The following MAST1 variants were observed in gnomAD, a reference collection of about 807,000 sequenced individuals.
The protein encoded by MAST1 is microtubule associated serine/threonine kinase 1.
A neutral mutation model predicts 124.6 loss-of-function variants in MAST1; 40 were observed. The observed-to-expected ratio is 0.32, with a 90% CI of 0.25 to 0.42. MAST1 has a LOEUF of 0.42. MAST1 is among the 10% of genes least tolerant of loss of function. The pLI, the probability that MAST1 is intolerant of heterozygous loss-of-function variation, is 1.00. For missense variants in MAST1, 1,558 were observed against 2,181.9 expected (o/e 0.71, Z 5.70); for synonymous variants, 938 against 939.4 (o/e 1.00, Z 0.03).
chr19:12,838,683 C>T lies in MAST1; in HGVS notation c.83+28C>T, dbSNP rs1220996765. 6.3e-7 allele frequency: 1 copy of T among 1,596,218 alleles called. No homozygotes were observed. The highest frequency in any genetic ancestry group is 2.3e-5 in the East Asian group (1 of 44,084). On this transcript the variant is annotated intron_variant, in intron 1 of 25. Transcript: ENST00000251472. The surrounding 1 kb of genome is among the most constrained non-coding windows in gnomAD (Gnocchi z 4.3). ...AGACCCCCGATCCCCTAGACATTGTCCCGGCCCTCCCCGCAAAAGCCGCCG... is the reference window on the plus strand; with the variant it reads ...AGACCCCCGATCCCCTAGACATTGTTCCGGCCCTCCCCGCAAAAGCCGCCG...
Position 12,847,967 on chromosome 19 carries a change from C to T in MAST1, c.684C>T (p.Ala228=), listed in dbSNP as rs1568408338. 6.2e-7 allele frequency: 1 copy of T among 1,614,124 alleles called. No individual in the cohort carries two copies. Among genetic ancestry groups the T allele is most frequent in the Non-Finnish European group, 8.5e-7 (1 of 1,179,980 alleles). ...SFIHHQIIEL[A]RDCLTKSRDG... is the part of the protein sequence containing the mutation. ...TCCACCACCAGATCATCGAGCTGGC[C>T]CGGGACTGCCTGACCAAGTCCCGTG... Residue 228 remains alanine, a synonymous_variant, in exon 7 of 26, where the codon GCC becomes GCT. Coordinates refer to ENST00000251472, the MANE Select transcript of MAST1 (RefSeq NM_014975.3). This position sits in a 1 kb window ranked among gnomAD's most constrained non-coding sequence, Gnocchi z 5.5.
rs1402558385 is a variant in MAST1 at position 12,843,371 on chromosome 19, C to T, written c.249-158C>T. On this transcript the variant is annotated intron_variant, in intron 3 of 25. Transcript: ENST00000251472. This position sits in a 1 kb window ranked among gnomAD's most constrained non-coding sequence, Gnocchi z 4.9. ...CCGGTGCCTGCCTGGAAGAGTCCCT[C>T]TTTATCCCCTTGATTCTGAGGGCCT... Among the ~76,000 whole-genome samples, 1 of 152,050 alleles carries T rather than the reference C, an allele frequency of 6.6e-6. No homozygotes were observed. The highest frequency in any genetic ancestry group is 1.9e-4 in the East Asian group (1 of 5,190).
intron 2 of MAST1, 120 bp from the exon 3 acceptor site, chr19:12,840,871 G>T: frequency 1.3e-6 from 1 of 767,320 alleles, no homozygotes; most frequent in South Asian, 1.4e-5. Flanking sequence ...GGCCACAGGC[G>T]AAGGGGCGTG....
intron 19 of MAST1, 33 bp downstream of exon 19, chr19:12,867,685 G>T: frequency 1.9e-6 from 3 of 1,540,754 alleles, no homozygotes; most frequent in Non-Finnish European, 2.6e-6. Flanking sequence ...TTGGGGGCGG[G>T]GTCGAAGGGG....
intron 10 of MAST1, among the ~76,000 whole-genome samples, chr19:12,856,116 C>T (rs1229405082): frequency 6.6e-6 from 1 of 151,868 alleles, no homozygotes; most frequent in Admixed American, 6.6e-5. Flanking sequence ...TTCTTTGGAG[C>T]ATATAAGTTC....
intron 12 of MAST1, among the ~76,000 whole-genome samples, chr19:12,863,228 G>A (rs1158948525): frequency 2.0e-5 from 3 of 151,658 alleles, no homozygotes; most frequent in African/African-American, 7.3e-5. Flanking sequence ...TGGCTCTTGT[G>A]GAGAGAGCAG....
intron 10 of MAST1, among the ~76,000 whole-genome samples, chr19:12,853,981 T>C (rs565204169): frequency 2.0e-5 from 3 of 151,462 alleles, no homozygotes; most frequent in Admixed American, 2.0e-4. Flanking sequence ...ATTAGATCTA[T>C]GTAGTTGCAG....
chr19:12,874,192 G>A lies in MAST1; in HGVS notation c.4035G>A (p.Leu1345=), dbSNP rs763191186. 395 of 1,542,772 alleles carry A rather than the reference G, an allele frequency of 2.6e-4. No homozygotes were observed. The highest frequency in any genetic ancestry group is 3.3e-4 in the Non-Finnish European group (379 of 1,147,062). ...ESPLSLGADP[L]LPEGASRPPV... ...CTTTGAGCCTGGGCGCGGACCCGTT[G>A]CTGCCCGAGGGTGCCTCCAGGCCAC... is the stretch of plus-strand genomic sequence containing the variant. The change falls in exon 26 of 26, where the codon TTG becomes TTA. Residue 1345 remains leucine (L), a synonymous_variant. Coordinates refer to ENST00000251472, the MANE Select transcript of MAST1 (RefSeq NM_014975.3). The surrounding 1 kb of genome is among the most constrained non-coding windows in gnomAD (Gnocchi z 6.6).
At chr19:12,869,635 A>G (rs2145911670) in intron 22 of MAST1, among the ~76,000 whole-genome samples, 1 of 151,698 alleles carries the variant, frequency 6.6e-6, no homozygotes, top group East Asian at 2.0e-4. Flanking sequence ...ACGGGGTTTC[A>G]CCATGTTGGC....
chr19:12,859,907 G>A (rs1481302501), intron 12 of MAST1, among the ~76,000 whole-genome samples: 1 of 134,434 alleles, frequency 7.4e-6, no homozygotes, highest in Non-Finnish European at 1.6e-5. Context: ...TCCCTGTATT[G>A]CCCAAGTTAG....
intron 1 of MAST1, among the ~76,000 whole-genome samples, chr19:12,839,927 T>C (rs1313157040): frequency 6.6e-6 from 1 of 152,058 alleles, no homozygotes; most frequent in Non-Finnish European, 1.5e-5. Context: ...AAAATAATAA[T>C]AATACAACCT....
chr19:12,865,802 G>A lies in MAST1; in HGVS notation c.1890G>A (p.Leu630=), dbSNP rs1266428537. ...LISSLLQTNP[L]VRLGAGGAFE... ...CCAGCCTCCTGCAGACCAACCCTCT[G>A]GTCAGGCTTGGGGCAGGTAAGTCCG... The change falls in exon 16 of 26, where the codon CTG becomes CTA. Residue 630 remains leucine, a synonymous_variant. Coordinates refer to ENST00000251472, the MANE Select transcript of MAST1 (RefSeq NM_014975.3). This position sits in a 1 kb window ranked among gnomAD's most constrained non-coding sequence, Gnocchi z 7.1. 1.2e-6 allele frequency: 2 copies of A among 1,613,680 alleles called. No homozygotes were observed. Among genetic ancestry groups the A allele is most frequent in the African/African-American group, 2.7e-5 (2 of 75,050 alleles).
In MAST1 at chr19:12,874,230, A is replaced by G. The variant is rs1290740022; in HGVS notation, c.4073A>G (p.Lys1358Arg). 2.6e-6 allele frequency: 4 copies of G among 1,552,044 alleles called. No individual in the cohort carries two copies. The East Asian group carries it at 9.7e-5, about 38-fold the overall frequency. ...EGASRPPVSS[K>R]EKESPGGAEA... ...GCCTCCAGGCCACCAGTGTCGAGCA[A>G]GGAGAAGGAATCCCCGGGGGGCGCC... Residue 1358 changes from lysine to arginine, a missense_variant, in exon 26 of 26, where the codon AAG becomes AGG. By Grantham distance (26) the Lys-to-Arg change is conservative. This residue lies in a region of MAST1 where 263 missense variants were observed against 310.9 expected (regional missense o/e 0.85). Coordinates refer to ENST00000251472, the MANE Select transcript of MAST1 (RefSeq NM_014975.3). This position sits in a 1 kb window ranked among gnomAD's most constrained non-coding sequence, Gnocchi z 6.6.
At chr19:12,857,233 G>T (rs1462645485) in intron 10 of MAST1, among the ~76,000 whole-genome samples, 1 of 151,788 alleles carries the variant, frequency 6.6e-6, no homozygotes, top group Non-Finnish European at 1.5e-5. Context: ...ACAGGCATGT[G>T]CCATCATGCC....
At position 12,847,241 on chromosome 19, in the gene MAST1, GT is replaced by G; in HGVS notation, c.328-47del. The stretch of plus-strand genomic sequence containing the variant: ...GAGTCCCAGCTCAGGGTCCTGAGCT[GT>G]TGGGGGGCCCATGGTGGCTCTGACC... On this transcript the variant is annotated intron_variant, in intron 4 of 25. Coordinates refer to ENST00000251472, the MANE Select transcript of MAST1 (RefSeq NM_014975.3). This position sits in a 1 kb window ranked among gnomAD's most constrained non-coding sequence, Gnocchi z 5.5. 7.3e-7 allele frequency: 1 copy of G among 1,363,064 alleles called. No homozygotes were observed. Among genetic ancestry groups the G allele is most frequent in the Non-Finnish European group, 1.0e-6 (1 of 965,072 alleles). The allele number at this position is 1,363,064 out of a possible 1,614,324, so 84.4% of individuals were successfully genotyped here.
chr19:12,863,651 C>G (rs1007550894), intron 12 of MAST1, among the ~76,000 whole-genome samples: 1 of 152,114 alleles, frequency 6.6e-6, no homozygotes, highest in Non-Finnish European at 1.5e-5. Flanking sequence ...GCAATTCTTA[C>G]AGGAAAAGAG....
Position 12,866,795 on chromosome 19 carries a change from A to G in MAST1, c.2139+33A>G, listed in dbSNP as rs752161986. 1 of 1,553,212 alleles carries G rather than the reference A, an allele frequency of 6.4e-7. No homozygotes were observed. The highest frequency in any genetic ancestry group is 8.8e-7 in the Non-Finnish European group (1 of 1,130,344). ...AAGTCTGGGTGTGGGACAGGGCGAG[A>G]CCCCAGGAGGGATGGGGCTTGGAGA... is the stretch of plus-strand genomic sequence containing the variant. On this transcript the variant is annotated intron_variant, in intron 18 of 25. Coordinates refer to ENST00000251472, the MANE Select transcript of MAST1 (RefSeq NM_014975.3). This position sits in a 1 kb window ranked among gnomAD's most constrained non-coding sequence, Gnocchi z 5.2.
At chr19:12,868,294 A>T (rs959478696) in intron 20 of MAST1, among the ~76,000 whole-genome samples, 2 of 151,492 alleles carry the variant, frequency 1.3e-5, no homozygotes, top group Non-Finnish European at 2.9e-5. Flanking sequence ...TTTTTAGTAG[A>T]GACAGGGTTT....
rs546170039 is a variant in MAST1, at chr19:12,843,875, C to A, written c.327+268C>A. On this transcript the variant is annotated intron_variant, in intron 4 of 25. Coordinates refer to ENST00000251472, the MANE Select transcript of MAST1 (RefSeq NM_014975.3). The surrounding 1 kb of genome is among the most constrained non-coding windows in gnomAD (Gnocchi z 4.9). ...AATTATCTGGGCGTGGTGGTGCACA[C>A]CTGTGGTCCCCACTATTTGGGAGGC... 3.3e-5 allele frequency among the ~76,000 whole-genome samples: 5 copies of A among 152,258 alleles called. No individual in the cohort carries two copies. In the South Asian group the frequency reaches 1.0e-3, roughly 32 times the overall value.
Sources: gnomAD v4.1 joint callset for allele counts (sites outside exome capture counted in the v4.1 genomes callset) on GRCh38, gnomAD v4.1.1 for gene constraint, gnomAD v4.1.1 regional missense constraint, Gnocchi (gnomAD v3.1) non-coding constraint, MANE v1.5 for transcripts, NCBI Gene and HGNC (gene_info 2026-07-23, HGNC 2026-07-21) for gene names.